Variants in IGSF10 observed in about 807,000 individuals in gnomAD.
IGSF10 encodes calvaria mechanical force protein 608.
IGSF10 carries 126 observed loss-of-function variants against 128.2 expected under a neutral mutation model. That is an observed-to-expected ratio of 0.98 (90% CI 0.85 to 1.14). The LOEUF is 1.14. Ranked by LOEUF, IGSF10 falls within the 50% of genes most tolerant of loss-of-function variation. The pLI, the probability that IGSF10 is intolerant of heterozygous loss-of-function variation, is 0.00. For missense variants in IGSF10, 3,295 were observed against 3,149.8 expected (o/e 1.05, Z -1.10); for synonymous variants, 1,185 against 1,146.2 (o/e 1.03, Z -0.68).
At chr3:151,614,630 A>G in the IGSF10 span, among the ~76,000 whole-genome samples, 2 of 150,944 alleles carry the variant, frequency 1.3e-5, no homozygotes, top group African/African-American at 4.9e-5. Flanking sequence ...ATGAGAACAC[A>G]TGGACACAGG....
At chr3:151,614,759 C>T in the IGSF10 span, among the ~76,000 whole-genome samples, 1 of 151,842 alleles carries the variant, frequency 6.6e-6, no homozygotes, top group Non-Finnish European at 1.5e-5. Flanking sequence ...CAACATGGCA[C>T]ATGTATATAT....
chr3:151,559,945 A>C, the IGSF10 span, among the ~76,000 whole-genome samples: 2 of 152,114 alleles, frequency 1.3e-5, no homozygotes, highest in African/African-American at 4.8e-5. Flanking sequence ...TGAGTCACGG[A>C]AAAGAGGACT....
chr3:151,570,431 C>A, the IGSF10 span, among the ~76,000 whole-genome samples: 1 of 152,206 alleles, frequency 6.6e-6, no homozygotes. Context: ...GCCATTCTAA[C>A]CGGTGTGAGA....
chr3:151,607,028 T>A, the IGSF10 span, among the ~76,000 whole-genome samples: 1 of 152,334 alleles, frequency 6.6e-6, no homozygotes, highest in East Asian at 1.9e-4. Context: ...TCAGGCACAC[T>A]ACTTCCCTGT....
chr3:151,458,424 G>T, intron 3 of IGSF10, 92 bp downstream of exon 3: 2 of 912,528 alleles, frequency 2.2e-6, no homozygotes, highest in South Asian at 2.5e-5. Flanking sequence ...AAACAATTGA[G>T]ATTCATCTCC....
chr3:151,485,045 T>C, the IGSF10 span, among the ~76,000 whole-genome samples: 29 of 152,226 alleles, frequency 1.9e-4, no homozygotes, highest in African/African-American at 6.5e-4. Context: ...GCAAGGAAGC[T>C]AGCCTTGAAA....
the IGSF10 span, among the ~76,000 whole-genome samples, chr3:151,500,324 T>TGGTA: frequency 6.6e-6 from 1 of 151,684 alleles, no homozygotes; most frequent in Non-Finnish European, 1.5e-5. Context: ...ATCTGATACA[T>TGGTA]GTTATTAATA....
chr3:151,499,777 C>A, the IGSF10 span: 1 of 152,078 alleles, frequency 6.6e-6, no homozygotes, highest in Non-Finnish European at 1.5e-5. Context: ...TATAATTTGT[C>A]TGAGCTCTGA....
the IGSF10 span, among the ~76,000 whole-genome samples, chr3:151,528,943 A>G: frequency 6.6e-6 from 1 of 151,278 alleles, no homozygotes; most frequent in South Asian, 2.1e-4. Context: ...CCAGCAAGCT[A>G]AGATCCACCG....
At chr3:151,504,737 T>G in the IGSF10 span, among the ~76,000 whole-genome samples, 4 of 152,242 alleles carry the variant, frequency 2.6e-5, no homozygotes, top group African/African-American at 9.6e-5. Context: ...GACTGTAGTC[T>G]ACTCTTGTGG....
At chr3:151,453,355 T>C in intron 5 of IGSF10, 29 bp downstream of exon 5, 1 of 1,529,686 alleles carries the variant, frequency 6.5e-7, no homozygotes, top group Non-Finnish European at 8.8e-7. Flanking sequence ...TCCACTTAAT[T>C]GGGACAAAAA....
Position 151,445,246 on chromosome 3 carries a change from G to A in IGSF10, c.4735C>T (p.Pro1579Ser), listed in dbSNP as rs1721111702. ...CCTTTTTCAGCAATTTCTGAGTATGGTTTGTGCCAAAATTGGTTTTCTGCC... is the reference window on the plus strand; with the variant it reads ...CCTTTTTCAGCAATTTCTGAGTATGATTTGTGCCAAAATTGGTTTTCTGCC... ...PWAENQFWHK[P>S]YSEIAEKGKK... The change falls in exon 6 of 8, where the codon CCA becomes TCA. Residue 1579 changes from proline (P) to serine (S), a missense_variant. Physicochemically the swap from Pro to Ser is moderately conservative, Grantham distance 74. Transcript: ENST00000282466. 3 of 1,614,078 alleles carry A rather than the reference G, an allele frequency of 1.9e-6. No homozygotes were observed. The highest frequency in any genetic ancestry group is 1.7e-5 in the Admixed American group (1 of 60,008).
At chr3:151,527,262 G>A in the IGSF10 span, among the ~76,000 whole-genome samples, 54 of 152,260 alleles carry the variant, frequency 3.5e-4, no homozygotes, top group African/African-American at 8.2e-4. Flanking sequence ...CCACACCAGC[G>A]GGAGCTGGAT....
chr3:151,441,857 C>A (rs766659197), intron 7 of IGSF10, among the ~76,000 whole-genome samples: 4 of 152,126 alleles, frequency 2.6e-5, no homozygotes, highest in Non-Finnish European at 5.9e-5. Flanking sequence ...GTCAGGAGAT[C>A]AAGACCATCC....
At chr3:151,547,425 T>TAC in the IGSF10 span, among the ~76,000 whole-genome samples, 2,610 of 85,008 alleles carry the variant, frequency 0.031, 39 homozygotes, top group Middle Eastern at 0.048. Context: ...TATAAATATA[T>TAC]ATATACACAC....
chr3:151,556,709 G>T, the IGSF10 span, among the ~76,000 whole-genome samples: 1 of 152,106 alleles, frequency 6.6e-6, no homozygotes, highest in African/African-American at 2.4e-5. Context: ...GCCTTTGAGA[G>T]GATGGTAGGG....
At chr3:151,491,565 G>A in the IGSF10 span, among the ~76,000 whole-genome samples, 1 of 152,028 alleles carries the variant, frequency 6.6e-6, no homozygotes, top group Non-Finnish European at 1.5e-5. Context: ...GTGACGGAGT[G>A]AGAAATAGTT....
At chr3:151,476,630 G>A in the IGSF10 span, among the ~76,000 whole-genome samples, 1 of 152,170 alleles carries the variant, frequency 6.6e-6, no homozygotes, top group Non-Finnish European at 1.5e-5. Flanking sequence ...CCTGAGAAGG[G>A]AGGAGTTAAT....
the IGSF10 span, among the ~76,000 whole-genome samples, chr3:151,507,708 G>C: frequency 1.1e-4 from 16 of 152,052 alleles, no homozygotes; most frequent in Non-Finnish European, 2.1e-4. Flanking sequence ...AACAGCATGA[G>C]GGTAACCACT....
Sources: gnomAD v4.1 joint callset for allele counts (sites outside exome capture counted in the v4.1 genomes callset) on GRCh38, gnomAD v4.1.1 for gene constraint, MANE v1.5 for transcripts, NCBI Gene and HGNC (gene_info 2026-07-23, HGNC 2026-07-21) for gene names.